Variants in ASIC3 observed in about 807,000 individuals in gnomAD.
The protein encoded by ASIC3 is acid-sensing ion channel 3.
A neutral mutation model predicts 58.6 loss-of-function variants in ASIC3; 46 were observed. The ratio of observed to expected loss-of-function variants is 0.79; its 90% CI spans 0.62 to 1.00. ASIC3 has a LOEUF of 1.00. Among genes scored for constraint, ASIC3 ranks in the 50% least tolerant of loss-of-function variants. The pLI, the probability that ASIC3 is intolerant of heterozygous loss-of-function variation, is 0.00. For missense variants in ASIC3, 770 were observed against 735.0 expected (o/e 1.05, Z -0.55); for synonymous variants, 336 against 300.2 (o/e 1.12, Z -1.23).
Position 151,052,692 on chromosome 7 carries a change from T to C in ASIC3, c.*40T>C. On this transcript the variant is annotated 3_prime_UTR_variant, in exon 11 of 11. Coordinates refer to ENST00000349064, the MANE Select transcript of ASIC3 (RefSeq NM_004769.4). The surrounding 1 kb of genome is among the most constrained non-coding windows in gnomAD (Gnocchi z 5.0). Reference sequence around the variant, plus strand: ...TCCTCGGAGCCCCGCCCTGACATCCTGGACATGCCTAGCCTGCACGTAGCT... The same window carrying C: ...TCCTCGGAGCCCCGCCCTGACATCCCGGACATGCCTAGCCTGCACGTAGCT... 1 of 1,614,144 alleles carries C rather than the reference T, an allele frequency of 6.2e-7. No homozygotes were observed.
intron 1 of ASIC3, 72 bp from the exon 2 acceptor site, chr7:151,050,034 G>A (rs1379200670): frequency 1.3e-6 from 2 of 1,596,276 alleles, no homozygotes; most frequent in Non-Finnish European, 1.7e-6. Context: ...AACATACCAT[G>A]AGGTGGGGAG....
intron 6 of ASIC3, 72 bp downstream of exon 6, chr7:151,051,391 C>A: frequency 7.1e-7 from 1 of 1,406,298 alleles, no homozygotes; most frequent in South Asian, 1.5e-5. Flanking sequence ...GCAGGCCAGG[C>A]CGTAGCCCTA....
chr7:151,050,920 CG>C lies in ASIC3; in HGVS notation c.978del (p.Lys327SerfsTer29). On this transcript the variant is annotated frameshift_variant, in exon 4 of 11. Coordinates refer to ENST00000349064, the MANE Select transcript of ASIC3 (RefSeq NM_004769.4). LOFTEE classifies it high-confidence loss of function. ...RLACETRYVA[R>X]KCGCRMVYMP... ...GGCCTGCGAAACCCGCTACGTGGCT[CG>C]GAAGTGCGGCTGCCGAATGGTGTAC... The C allele has an allele frequency of 6.2e-7, 1 of 1,613,504 alleles. No individual in the cohort carries two copies. Among genetic ancestry groups the C allele is most frequent in the Non-Finnish European group, 8.5e-7 (1 of 1,180,014 alleles).
rs1796754516 is a variant in ASIC3 at position 151,050,841 on chromosome 7, A to G, written c.897A>G (p.Leu299=). The G allele has an allele frequency of 6.2e-7, 1 of 1,613,014 alleles. No homozygotes were observed. Among genetic ancestry groups the G allele is most frequent in the Admixed American group, 1.7e-5 (1 of 59,958 alleles). Reference sequence around the variant, plus strand: ...ATGAGCCAGAGCCCTCTGATCCCCTAGGCTCCCCCAGCCCCAGCCCCAGCC... The same window carrying G: ...ATGAGCCAGAGCCCTCTGATCCCCTGGGCTCCCCCAGCCCCAGCCCCAGCC... ...PNYEPEPSDP[L]GSPSPSPSPP... is the part of the protein sequence containing the mutation. Residue 299 remains leucine, a synonymous_variant, in exon 4 of 11, where the codon CTA becomes CTG. Transcript: ENST00000349064.
rs527543284 is a variant in ASIC3 at position 151,050,694 on chromosome 7, G to A, written c.814-64G>A. ...CCCTCAGCTCCTCAGACCTGTCTAG[G>A]GGCCTCTCCCCAGCTGGCCTCTCAC... On this transcript the variant is annotated intron_variant, in intron 3 of 10. Transcript: ENST00000349064. 6 of 1,606,076 alleles carry A rather than the reference G, an allele frequency of 3.7e-6. No individual in the cohort carries two copies. In the East Asian group the frequency reaches 1.3e-4, roughly 36 times the overall value.
In ASIC3 at chr7:151,050,143, C is replaced by T; in HGVS notation, c.572C>T (p.Ser191Phe). Residue 191 changes from serine to phenylalanine, a missense_variant, in exon 2 of 11, where the codon TCT (serine) becomes TTT (phenylalanine). By Grantham distance (155) the Ser-to-Phe change is radical. Coordinates refer to ENST00000349064, the MANE Select transcript of ASIC3 (RefSeq NM_004769.4). ...TRMGKCYTFN[S>F]GADGAELLTT... ...ATGGGAAAGTGCTACACATTTAACT[C>T]TGGCGCTGATGGGGCAGAGCTGCTC... 2 of 1,614,198 alleles carry T rather than the reference C, an allele frequency of 1.2e-6. No homozygotes were observed. Among genetic ancestry groups the T allele is most frequent in the South Asian group, 2.2e-5 (2 of 91,088 alleles).
At chr7:151,049,771 G>T (rs575743611) in intron 1 of ASIC3, among the ~76,000 whole-genome samples, 1 of 152,312 alleles carries the variant, frequency 6.6e-6, no homozygotes, top group Admixed American at 6.5e-5. Context: ...GAGGTGGGGG[G>T]GGCTTGCTTT....
At chr7:151,051,926 TG>T (rs541273309) in intron 7 of ASIC3, 25 bp downstream of exon 7, 12 of 1,612,002 alleles carry the variant, frequency 7.4e-6, no homozygotes, top group Admixed American at 3.3e-5. Flanking sequence ...CCCCCAGGGC[TG>T]GGGGGGTGTG....
chr7:151,052,362 T>A lies in ASIC3; in HGVS notation c.1459-54T>A, dbSNP rs1351866191. On this transcript the variant is annotated intron_variant, in intron 9 of 10. Coordinates refer to ENST00000349064, the MANE Select transcript of ASIC3 (RefSeq NM_004769.4). This position sits in a 1 kb window ranked among gnomAD's most constrained non-coding sequence, Gnocchi z 5.0. The stretch of plus-strand genomic sequence containing the variant: ...CAGGAGGGTGTGCAGTGACCTCGAC[T>A]GGTCCCTGGGAGGAGGACCACTCCC... 6.8e-6 allele frequency: 11 copies of A among 1,613,134 alleles called. No individual in the cohort carries two copies. The highest frequency in any genetic ancestry group is 1.7e-5 in the Admixed American group (1 of 59,970).
Position 151,051,823 on chromosome 7 carries a change from G to A in ASIC3, c.1228G>A (p.Ala410Thr), listed in dbSNP as rs1796788194. The change falls in exon 7 of 11, where the codon GCC becomes ACC. Residue 410 changes from alanine to threonine, a missense_variant. Transcript: ENST00000349064. The stretch of plus-strand genomic sequence containing the variant: ...TCTTGTCCTCAGGGAGAACGTGCTG[G>A]CCCTGGACATCTTCTTTGAGGCCCT... Reference protein sequence around the residue: ...SEAYIAENVLALDIFFEALNY... With the variant: ...SEAYIAENVLTLDIFFEALNY... 1 of 1,613,572 alleles carries A rather than the reference G, an allele frequency of 6.2e-7. No homozygotes were observed. The highest frequency in any genetic ancestry group is 8.5e-7 in the Non-Finnish European group (1 of 1,179,974).
At chr7:151,049,516 A>C in intron 1 of ASIC3, 97 bp downstream of exon 1, 20 of 1,395,136 alleles carry the variant, frequency 1.4e-5, no homozygotes, top group Non-Finnish European at 1.7e-5. Flanking sequence ...GGCTCCCCCA[A>C]AGCCAGGGGA....
rs748088218 is a variant in ASIC3, at chr7:151,052,635, C to T, written c.1579C>T (p.Leu527Phe). The change falls in exon 11 of 11, where the codon CTT (leucine) becomes TTT (phenylalanine). Residue 527 changes from leucine to phenylalanine, a missense_variant. Coordinates refer to ENST00000349064, the MANE Select transcript of ASIC3 (RefSeq NM_004769.4). This position sits in a 1 kb window ranked among gnomAD's most constrained non-coding sequence, Gnocchi z 5.0. ...TLSASHRTCY[L>F]VTQL Reference sequence around the variant, plus strand: ...CTCCGCCTCCCACCGCACCTGCTACCTTGTCACACAGCTCTAGACCTGCTG... The same window carrying T: ...CTCCGCCTCCCACCGCACCTGCTACTTTGTCACACAGCTCTAGACCTGCTG... 6.8e-6 allele frequency: 11 copies of T among 1,614,054 alleles called. No individual in the cohort carries two copies. The South Asian group carries it at 1.2e-4, about 18-fold the overall frequency.
intron 1 of ASIC3, 106 bp downstream of exon 1, chr7:151,049,525 G>T: frequency 7.3e-7 from 1 of 1,375,862 alleles, no homozygotes; most frequent in Non-Finnish European, 9.8e-7. Context: ...AAAGCCAGGG[G>T]ACCTCTTCCT....
rs545107973 is a variant in ASIC3 at position 151,052,293 on chromosome 7, C to A, written c.1458+56C>A. On this transcript the variant is annotated intron_variant, in intron 9 of 10. Coordinates refer to ENST00000349064, the MANE Select transcript of ASIC3 (RefSeq NM_004769.4). This position sits in a 1 kb window ranked among gnomAD's most constrained non-coding sequence, Gnocchi z 5.0. ...GCTCCAAGGGTGCTAGGGCCCACCC[C>A]TGAAGCCTAGACCACCATCCCGCCC... is the stretch of plus-strand genomic sequence containing the variant. 6.8e-6 allele frequency: 11 copies of A among 1,613,332 alleles called. No homozygotes were observed. In the East Asian group the frequency reaches 1.8e-4, roughly 26 times the overall value.
In ASIC3 at chr7:151,050,470, C is replaced by G. The variant is rs988250769; in HGVS notation, c.686-11C>G. On this transcript the variant is annotated splice_polypyrimidine_tract_variant and intron_variant, in intron 2 of 10. Transcript: ENST00000349064. ...CACACAGGTCAGGCCTCACAGGTCCCTCCCCGACAGAGGAGACCCCGTTTG... is the reference window on the plus strand; with the variant it reads ...CACACAGGTCAGGCCTCACAGGTCCGTCCCCGACAGAGGAGACCCCGTTTG... 1 of 1,613,092 alleles carries G rather than the reference C, an allele frequency of 6.2e-7. No individual in the cohort carries two copies. Among genetic ancestry groups the G allele is most frequent in the African/African-American group, 1.3e-5 (1 of 74,900 alleles).
chr7:151,048,948 C>A lies in ASIC3; in HGVS notation c.63C>A (p.Ala21=), dbSNP rs764538965. 1 of 1,588,918 alleles carries A rather than the reference C, an allele frequency of 6.3e-7. No homozygotes were observed. The highest frequency in any genetic ancestry group is 1.1e-5 in the South Asian group (1 of 88,718). The change falls in exon 1 of 11, where the codon GCC becomes GCA. Residue 21 remains alanine, a synonymous_variant. Coordinates refer to ENST00000349064, the MANE Select transcript of ASIC3 (RefSeq NM_004769.4). ...RRPASDIRVF[A]SNCSMHGLGH... is the part of the protein sequence containing the mutation. ...CAGCCTCGGACATCCGCGTGTTCGC[C>A]AGCAACTGCTCGATGCACGGGCTGG...
In ASIC3 at chr7:151,048,718, C is replaced by G. The variant is rs1212864556; in HGVS notation, c.-168C>G. 5 of 808,306 alleles carry G rather than the reference C, an allele frequency of 6.2e-6. No individual in the cohort carries two copies. In the East Asian group the frequency reaches 1.0e-4, roughly 16 times the overall value. 50.1% of individuals were successfully genotyped at this position (808,306 alleles called of 1,614,324 possible). On this transcript the variant is annotated 5_prime_UTR_variant, in exon 1 of 11. Transcript: ENST00000349064. ...ACCGGCCAGATCACCTCCTCCAATC[C>G]TGCCAGGCTAGTGCCTCCCTGCCTT...
chr7:151,050,850 C>CA lies in ASIC3; in HGVS notation c.907dup (p.Ser303LysfsTer114), dbSNP rs1201715693. Reference sequence around the variant, plus strand: ...AGCCCTCTGATCCCCTAGGCTCCCCCAGCCCCAGCCCCAGCCCTCCCTATA... The same window carrying CA: ...AGCCCTCTGATCCCCTAGGCTCCCCCAAGCCCCAGCCCCAGCCCTCCCTATA... On this transcript the variant is annotated frameshift_variant, in exon 4 of 11. Transcript: ENST00000349064. LOFTEE classifies it high-confidence loss of function. 8 of 1,606,610 alleles carry CA rather than the reference C, an allele frequency of 5.0e-6. No individual in the cohort carries two copies. Among genetic ancestry groups the CA allele is most frequent in the Non-Finnish European group, 5.9e-6 (7 of 1,179,384 alleles).
Position 151,051,252 on chromosome 7 carries a change from C to G in ASIC3, c.1147C>G (p.Arg383Gly), listed in dbSNP as rs751732928. ...CTACGCCAAGGAGCTCTCCATGGTG[C>G]GGATCCCGAGCCGCGCCGCCGCGCG... is the stretch of plus-strand genomic sequence containing the variant. Reference protein sequence around the residue: ...TRYAKELSMVRIPSRAAARFL... With the variant: ...TRYAKELSMVGIPSRAAARFL... The change falls in exon 6 of 11, where the codon CGG becomes GGG. Residue 383 changes from arginine to glycine, a missense_variant. Coordinates refer to ENST00000349064, the MANE Select transcript of ASIC3 (RefSeq NM_004769.4). 5.2e-6 allele frequency: 8 copies of G among 1,546,702 alleles called. No individual in the cohort carries two copies. Among genetic ancestry groups the G allele is most frequent in the East Asian group, 4.9e-5 (2 of 40,642 alleles).
Sources: allele counts gnomAD v4.1 joint callset (sites outside exome capture counted in the v4.1 genomes callset), GRCh38; gene constraint gnomAD v4.1.1; non-coding constraint Gnocchi (gnomAD v3.1); transcripts MANE v1.5; gene names NCBI Gene and HGNC (gene_info 2026-07-23, HGNC 2026-07-21).